NOL10: variants seen among roughly 807,000 people sequenced by gnomAD.
NOL10 encodes the protein nucleolar protein 10, also known as H_NH0074G24.1.
Under a neutral mutation model 103.5 loss-of-function variants are expected in NOL10, and 58 were observed. That is an observed-to-expected ratio of 0.56 (90% CI 0.45 to 0.70). The LOEUF is 0.70. Among genes scored for constraint, NOL10 ranks in the 30% least tolerant of loss-of-function variants. The pLI is 0.00. For synonymous variants in NOL10, 287 were observed against 282.5 expected, an observed-to-expected ratio of 1.02 and a Z score of -0.16; for missense variants, 763 against 807.3, an observed-to-expected ratio of 0.95 and a Z score of 0.67.
rs1485380117 is a variant in NOL10, at chr2:10,608,738, G to A, written c.1027-1427C>T. Among the ~76,000 whole-genome samples, 6 of 152,246 alleles carry A rather than the reference G, an allele frequency of 3.9e-5. No individual in the cohort carries two copies. The East Asian group carries it at 1.2e-3, about 29-fold the overall frequency. On this transcript the variant is annotated intron_variant, in intron 13 of 20. Transcript: ENST00000381685. ...ACACCCTCTTCAAATAAAAAGAAAA[G>A]TAAATGTTAGATATGGCCATAATAA...
chr2:10,638,335 A>ACGTG lies in NOL10; in HGVS notation c.1026+5984_1026+5985insCACG, dbSNP rs1558311325. 5.2e-4 allele frequency among the ~76,000 whole-genome samples: 62 copies of ACGTG among 119,376 alleles called. 1 individual carries two copies. Among genetic ancestry groups the ACGTG allele is most frequent in the African/African-American group, 6.1e-4 (14 of 23,064 alleles). The allele number at this position is 119,376 out of a possible 152,430, so 78.3% of individuals were successfully genotyped here. On this transcript the variant is annotated intron_variant, in intron 13 of 20. Coordinates refer to ENST00000381685, the MANE Select transcript of NOL10 (RefSeq NM_024894.4). ...GACGTGACGTGACGTGACGTGACGT[A>ACGTG]ACGTAACGTAACGTAACGTAACGTA...
At chr2:10,652,650 T>C (rs2148300925) in intron 12 of NOL10, among the ~76,000 whole-genome samples, 1 of 152,280 alleles carries the variant, frequency 6.6e-6, no homozygotes, top group Non-Finnish European at 1.5e-5. Flanking sequence ...ATCCGGTTTC[T>C]CAGCTGGCTC....
At chr2:10,618,036 T>G (rs1271669746) in intron 13 of NOL10, among the ~76,000 whole-genome samples, 1 of 6,190 alleles carries the variant, frequency 1.6e-4, no homozygotes, top group Non-Finnish European at 4.8e-4. Context: ...CACTTCATGT[T>G]TTTTTTTTTT....
At chr2:10,594,848 A>G (rs1675582764) in intron 17 of NOL10, among the ~76,000 whole-genome samples, 1 of 151,962 alleles carries the variant, frequency 6.6e-6, no homozygotes, top group South Asian at 2.1e-4. Context: ...ACATACATAT[A>G]TATTAGCTGG....
intron 17 of NOL10, among the ~76,000 whole-genome samples, chr2:10,592,079 T>TCCC (rs1325960481): frequency 1.3e-5 from 2 of 152,156 alleles, no homozygotes; most frequent in Admixed American, 1.3e-4. Context: ...TCTGACGGAC[T>TCCC]GCTGAGTAAG....
intron 6 of NOL10, 112 bp downstream of exon 6, chr2:10,671,442 C>A: frequency 9.4e-5 from 62 of 660,634 alleles, no homozygotes; most frequent in Middle Eastern, 2.8e-4. Flanking sequence ...AGCCACGTAT[C>A]ACTTTTTTAT....
intron 11 of NOL10, 43 bp from the exon 12 acceptor site, chr2:10,654,590 C>A (rs1679700795): frequency 2.2e-6 from 3 of 1,366,636 alleles, no homozygotes; most frequent in East Asian, 2.4e-5. Context: ...AGTTAAAGAA[C>A]AACAACTTTG....
chr2:10,653,917 T>C (rs927081373), intron 12 of NOL10, among the ~76,000 whole-genome samples: 1 of 152,220 alleles, frequency 6.6e-6, no homozygotes, highest in Non-Finnish European at 1.5e-5. Flanking sequence ...CAAGATGATC[T>C]GGGTACCTCT....
At chr2:10,635,853 G>T (rs1678174372) in intron 13 of NOL10, among the ~76,000 whole-genome samples, 1 of 152,124 alleles carries the variant, frequency 6.6e-6, no homozygotes, top group South Asian at 2.1e-4. Flanking sequence ...AATATTAAGA[G>T]ACAAAATAGC....
At chr2:10,658,601 A>C (rs1438118499) in intron 10 of NOL10, among the ~76,000 whole-genome samples, 1 of 152,184 alleles carries the variant, frequency 6.6e-6, no homozygotes, top group Non-Finnish European at 1.5e-5. Context: ...TGAACACACA[A>C]ATTTTGGAAA....
intron 17 of NOL10, among the ~76,000 whole-genome samples, chr2:10,598,290 C>T (rs1675799831): frequency 6.6e-6 from 1 of 152,208 alleles, no homozygotes; most frequent in South Asian, 2.1e-4. Context: ...TTCCTGCAGA[C>T]AGGACGCGTG....
At chr2:10,629,316 T>C (rs986768995) in intron 13 of NOL10, among the ~76,000 whole-genome samples, 6 of 152,214 alleles carry the variant, frequency 3.9e-5, no homozygotes, top group African/African-American at 1.4e-4. Flanking sequence ...TTTCATCTTT[T>C]TCTGATATTT....
chr2:10,668,291 G>T lies in NOL10; in HGVS notation c.530+367C>A, dbSNP rs533605354. Among the ~76,000 whole-genome samples, 167 of 152,146 alleles carry T rather than the reference G, an allele frequency of 1.1e-3. 1 individual carries two copies. The highest frequency in any genetic ancestry group is 3.9e-3 in the African/African-American group (163 of 41,522). On this transcript the variant is annotated intron_variant, in intron 7 of 20. Coordinates refer to ENST00000381685, the MANE Select transcript of NOL10 (RefSeq NM_024894.4). ...AAACCTTTAAAAACCTTAAATGTCC[G>T]CTAGCAGAGCATAAAAATTTAAAAA... is the stretch of plus-strand genomic sequence containing the variant.
rs746256755 is a variant in NOL10 at position 10,655,138 on chromosome 2, C to T, written c.907-591G>A. Among the ~76,000 whole-genome samples the T allele has an allele frequency of 2.9e-4, 43 of 150,242 alleles. No individual in the cohort carries two copies. The Admixed American group carries it at 2.9e-3, about 10-fold the overall frequency. On this transcript the variant is annotated intron_variant, in intron 11 of 20. Transcript: ENST00000381685. ...GGCAAAACTGCTTGAACCCAGGAGG[C>T]GGAGGTTATAGTCAGCCAAGATAGC...
chr2:10,639,567 A>T (rs756878297), intron 13 of NOL10, among the ~76,000 whole-genome samples: 2 of 152,192 alleles, frequency 1.3e-5, no homozygotes, highest in Non-Finnish European at 2.9e-5. Context: ...CTGATATGCT[A>T]GGGGCTCGGA....
chr2:10,572,196 A>C lies in NOL10; in HGVS notation c.1948-6T>G. 1 of 1,613,796 alleles carries C rather than the reference A, an allele frequency of 6.2e-7. No homozygotes were observed. Among genetic ancestry groups the C allele is most frequent in the Non-Finnish European group, 8.5e-7 (1 of 1,179,842 alleles). On this transcript the variant is annotated splice_region_variant and splice_polypyrimidine_tract_variant and intron_variant, in intron 20 of 20. Transcript: ENST00000381685. The stretch of plus-strand genomic sequence containing the variant: ...TGCTTCTTCTGCTGTTCAGACTAAA[A>C]GAGAAAATGAAATGAGTAGAGGGAA...
chr2:10,604,555 G>A (rs11691927), intron 14 of NOL10: 255 of 152,270 alleles, frequency 1.7e-3, no homozygotes, highest in African/African-American at 5.7e-3. Flanking sequence ...TTAATGAAAC[G>A]TGAATGTATA....
At chr2:10,682,102 TA>T in intron 2 of NOL10, 33 bp from the exon 3 acceptor site, 1 of 965,388 alleles carries the variant, frequency 1.0e-6, no homozygotes, top group South Asian at 2.0e-5. Context: ...CTAGTTTAAC[TA>T]ACATGTGCTT....
chr2:10,684,359 C>G (rs1682000482), intron 2 of NOL10, among the ~76,000 whole-genome samples: 1 of 151,750 alleles, frequency 6.6e-6, no homozygotes, highest in South Asian at 2.1e-4. Flanking sequence ...GGTGGGAGGT[C>G]TGCTCAAGCC....
Sources: allele counts gnomAD v4.1 joint callset (sites outside exome capture counted in the v4.1 genomes callset), GRCh38; gene constraint gnomAD v4.1.1; transcripts MANE v1.5; gene names NCBI Gene and HGNC (gene_info 2026-07-23, HGNC 2026-07-21).